Variants in SRGAP1 observed in about 807,000 individuals in gnomAD.
SRGAP1 encodes the protein SLIT-ROBO Rho GTPase activating protein 1, also known as SLIT-ROBO Rho GTPase-activating protein 1.
A neutral mutation model predicts 121.9 loss-of-function variants in SRGAP1; 43 were observed. That is an observed-to-expected ratio of 0.35 (90% CI 0.28 to 0.46). SRGAP1 has a LOEUF of 0.46. SRGAP1 is among the 20% of genes least tolerant of loss of function. The pLI is 1.00. For missense variants in SRGAP1, 1,102 were observed against 1,350.9 expected, an observed-to-expected ratio of 0.82 and a Z score of 2.89; for synonymous variants, 447 against 485.4, an observed-to-expected ratio of 0.92 and a Z score of 1.04.
At chr12:64,132,420 A>T (rs761052126) in intron 21 of SRGAP1, among the ~76,000 whole-genome samples, 3 of 152,198 alleles carry the variant, frequency 2.0e-5, no homozygotes, top group Non-Finnish European at 4.4e-5. Flanking sequence ...CAAAACTGGC[A>T]GCCTTTTGAG....
intron 8 of SRGAP1, among the ~76,000 whole-genome samples, chr12:64,069,180 C>T (rs2035596564): frequency 6.6e-6 from 1 of 152,130 alleles, no homozygotes; most frequent in Non-Finnish European, 1.5e-5. Context: ...GCCATGTTCT[C>T]CACTCAGCCC....
At chr12:63,846,706 G>A (rs935237615) in intron 1 of SRGAP1, among the ~76,000 whole-genome samples, 2 of 152,076 alleles carry the variant, frequency 1.3e-5, no homozygotes, top group Non-Finnish European at 2.9e-5. Context: ...TGCTTTAGGA[G>A]TCTTCACTGC....
intron 8 of SRGAP1, among the ~76,000 whole-genome samples, chr12:64,073,295 T>G (rs1273190005): frequency 6.6e-6 from 1 of 152,200 alleles, no homozygotes; most frequent in Non-Finnish European, 1.5e-5. Flanking sequence ...AAAAATGGTG[T>G]TGTTGATTTT....
At chr12:63,913,480 T>TATATATATATATATATATATATATATAG (rs1439123798) in intron 1 of SRGAP1, among the ~76,000 whole-genome samples, 1 of 108,626 alleles carries the variant, frequency 9.2e-6, no homozygotes, top group Non-Finnish European at 1.9e-5. Context: ...TATATATGGA[T>TATATATATATATATATATATATATATAG]ATATATATAT....
At chr12:64,103,980 T>G (rs1411367980) in intron 15 of SRGAP1, among the ~76,000 whole-genome samples, 1 of 152,216 alleles carries the variant, frequency 6.6e-6, no homozygotes, top group Non-Finnish European at 1.5e-5. Flanking sequence ...CAAGTATGTG[T>G]GTACCCACTG....
chr12:64,064,834 G>C (rs935246360), intron 7 of SRGAP1, among the ~76,000 whole-genome samples: 2 of 152,160 alleles, frequency 1.3e-5, no homozygotes, highest in Admixed American at 1.3e-4. Context: ...TGAGATTTCA[G>C]CATCGGAGCT....
chr12:64,128,186 G>A lies in SRGAP1; in HGVS notation c.2866G>A (p.Glu956Lys). ...GFNDHKPLDP[E>K]TIAQDIEETM... ...CAATGACCACAAGCCACTGGACCCAGAGACAATTGCTCAGGTACGATGCTT... is the reference window on the plus strand; with the variant it reads ...CAATGACCACAAGCCACTGGACCCAAAGACAATTGCTCAGGTACGATGCTT... The change falls in exon 21 of 22, where the codon GAG (glutamate) becomes AAG (lysine). Residue 956 changes from glutamate to lysine, a missense_variant. Physicochemically the swap from Glu to Lys is moderately conservative, Grantham distance 56. This residue lies in a region of SRGAP1 where 315 missense variants were observed against 343.1 expected (regional missense o/e 0.92). Coordinates refer to ENST00000355086, the MANE Select transcript of SRGAP1 (RefSeq NM_020762.4). 6.2e-7 allele frequency: 1 copy of A among 1,609,920 alleles called. No individual in the cohort carries two copies. The highest frequency in any genetic ancestry group is 8.5e-7 in the Non-Finnish European group (1 of 1,176,538).
rs914656131 is a variant in SRGAP1 at position 64,155,554 on chromosome 12, A to C, written c.*12882A>C. ...GTGGGACTCCGTCTCAAAATAAATA[A>C]ATAAATAAATATATTAAAAAATAAA... On this transcript the variant is annotated 3_prime_UTR_variant, in exon 22 of 22. Coordinates refer to ENST00000355086, the MANE Select transcript of SRGAP1 (RefSeq NM_020762.4). 1 of 151,880 alleles carries C rather than the reference A, an allele frequency of 6.6e-6. No individual in the cohort carries two copies. Among genetic ancestry groups the C allele is most frequent in the African/African-American group, 2.4e-5 (1 of 41,378 alleles). 9.4% of individuals were successfully genotyped at this position (151,880 alleles called of 1,614,324 possible). A position where few individuals can be genotyped will look rare whatever the true frequency, so the allele number is the denominator to read the frequency against.
intron 18 of SRGAP1, among the ~76,000 whole-genome samples, chr12:64,120,810 G>A (rs1375233667): frequency 2.6e-5 from 4 of 152,106 alleles, no homozygotes; most frequent in African/African-American, 9.7e-5. Flanking sequence ...ATGTTCTAAT[G>A]TTCTGCTTAC....
rs2037180484 is a variant in SRGAP1, at chr12:64,158,257, A to G, written c.*15585A>G. On this transcript the variant is annotated 3_prime_UTR_variant, in exon 22 of 22. Transcript: ENST00000355086. ...GATTAGATGTTTCTAAATTAAAACT[A>G]TTTCCTGCTTTGTATTTGTCCTTTA... is the stretch of plus-strand genomic sequence containing the variant. 6.6e-6 allele frequency: 1 copy of G among 152,192 alleles called. No homozygotes were observed. Among genetic ancestry groups the G allele is most frequent in the Non-Finnish European group, 1.5e-5 (1 of 68,016 alleles). 9.4% of individuals were successfully genotyped at this position (152,192 alleles called of 1,614,324 possible).
intron 1 of SRGAP1, among the ~76,000 whole-genome samples, chr12:63,891,792 G>T (rs1429871554): frequency 6.6e-6 from 1 of 151,920 alleles, no homozygotes; most frequent in Non-Finnish European, 1.5e-5. Flanking sequence ...TTCGAGACCA[G>T]CCTGGCCAAC....
At chr12:63,951,600 C>A (rs2032300171) in intron 1 of SRGAP1, among the ~76,000 whole-genome samples, 1 of 152,154 alleles carries the variant, frequency 6.6e-6, no homozygotes, top group Admixed American at 6.5e-5. Flanking sequence ...CCAATTCTGG[C>A]AGATATTTTT....
In SRGAP1 at chr12:64,159,866, C is replaced by T. The variant is rs1182600167; in HGVS notation, c.*17194C>T. ...AACTACTGTTATATCAAGCTACTGA[C>T]ATTGAGAATTAGGTTGCATAGTTAT... is the stretch of plus-strand genomic sequence containing the variant. On this transcript the variant is annotated 3_prime_UTR_variant, in exon 22 of 22. Transcript: ENST00000355086. The T allele has an allele frequency of 6.6e-6, 1 of 152,220 alleles. No homozygotes were observed. Among genetic ancestry groups the T allele is most frequent in the Non-Finnish European group, 1.5e-5 (1 of 68,040 alleles). The allele number at this position is 152,220 out of a possible 1,614,324, so 9.4% of individuals were successfully genotyped here.
In SRGAP1 at chr12:64,128,163, A is replaced by G. The variant is rs758799802; in HGVS notation, c.2843A>G (p.Asn948Ser). The part of the protein sequence containing the change: ...STSSGQYTGF[N>S]DHKPLDPETI... The stretch of plus-strand genomic sequence containing the variant: ...TCATCAGGGCAATACACGGGCTTCA[A>G]TGACCACAAGCCACTGGACCCAGAG... The change falls in exon 21 of 22, where the codon AAT (asparagine) becomes AGT (serine). Residue 948 changes from asparagine to serine, a missense_variant. By Grantham distance (46) the Asn-to-Ser change is conservative. This residue lies in a region of SRGAP1 where 315 missense variants were observed against 343.1 expected (regional missense o/e 0.92). Transcript: ENST00000355086. The G allele has an allele frequency of 2.8e-5, 45 of 1,613,866 alleles. No individual in the cohort carries two copies. In the Admixed American group the frequency reaches 5.0e-4, roughly 18 times the overall value.
intron 1 of SRGAP1, among the ~76,000 whole-genome samples, chr12:63,908,002 A>T (rs922844913): frequency 6.6e-6 from 1 of 152,220 alleles, no homozygotes; most frequent in African/African-American, 2.4e-5. Flanking sequence ...GTTGAAAATC[A>T]GTTAACCATA....
chr12:63,848,690 G>A (rs1592877197), intron 1 of SRGAP1, among the ~76,000 whole-genome samples: 3 of 152,126 alleles, frequency 2.0e-5, no homozygotes, highest in Middle Eastern at 3.4e-3. Context: ...AAATACAAGC[G>A]TGCACCACCA....
chr12:63,946,479 T>G (rs2032051354), intron 1 of SRGAP1, among the ~76,000 whole-genome samples: 1 of 151,912 alleles, frequency 6.6e-6, no homozygotes. Flanking sequence ...CCAGCCCCAT[T>G]GTCCCCAGGC....
At chr12:63,904,722 G>T (rs1262716291) in intron 1 of SRGAP1, among the ~76,000 whole-genome samples, 1 of 152,124 alleles carries the variant, frequency 6.6e-6, no homozygotes, top group Non-Finnish European at 1.5e-5. Flanking sequence ...CTTGAGTCCA[G>T]GAGTTGAAGA....
chr12:64,131,018 T>C (rs2036776288), intron 21 of SRGAP1, among the ~76,000 whole-genome samples: 1 of 152,164 alleles, frequency 6.6e-6, no homozygotes, highest in African/African-American at 2.4e-5. Context: ...GCAGTGGCCA[T>C]AGCCAGGTCA....
Sources: gnomAD v4.1 joint callset for allele counts (sites outside exome capture counted in the v4.1 genomes callset) on GRCh38, gnomAD v4.1.1 for gene constraint, gnomAD v4.1.1 regional missense constraint, MANE v1.5 for transcripts, NCBI Gene and HGNC (gene_info 2026-07-23, HGNC 2026-07-21) for gene names.